PEX5L: variants seen among roughly 807,000 people sequenced by gnomAD.
PEX5L encodes peroxisomal biogenesis factor 5 like.
In PEX5L, 30 loss-of-function variants were observed where a neutral mutation model predicts 84.0. The ratio of observed to expected loss-of-function variants is 0.36; its 90% CI spans 0.27 to 0.48. The LOEUF (loss-of-function observed/expected upper bound fraction) is 0.48. Ranked by LOEUF, PEX5L falls within the 20% of genes least tolerant of loss-of-function variation. The probability of loss-of-function intolerance (pLI) is 0.99; values close to 1 mark genes in which losing one functional copy is unlikely to be tolerated. For missense variants in PEX5L, 533 were observed against 754.6 expected (o/e 0.71, Z 3.44); for synonymous variants, 270 against 283.1 (o/e 0.95, Z 0.46).
chr3:179,957,689 G>C (rs756711803), intron 2 of PEX5L, among the ~76,000 whole-genome samples: 8 of 152,194 alleles, frequency 5.3e-5, no homozygotes, highest in Non-Finnish European at 5.9e-5. Context: ...TTCTGGTTTT[G>C]TGCCAGGTGT....
chr3:180,020,920 T>G (rs890196276), intron 1 of PEX5L, among the ~76,000 whole-genome samples: 2 of 152,146 alleles, frequency 1.3e-5, no homozygotes, highest in African/African-American at 4.8e-5. Context: ...TAATCCAACA[T>G]GTATTGCTTG....
intron 8 of PEX5L, among the ~76,000 whole-genome samples, chr3:179,834,613 T>G (rs549451461): frequency 1.3e-5 from 2 of 152,262 alleles, no homozygotes; most frequent in South Asian, 4.1e-4. Flanking sequence ...GGACTAGGCC[T>G]AAATGTGCTC....
chr3:180,017,956 C>A (rs975744308), intron 1 of PEX5L, among the ~76,000 whole-genome samples: 1 of 152,144 alleles, frequency 6.6e-6, no homozygotes, highest in African/African-American at 2.4e-5. Flanking sequence ...CTGAAGAGAT[C>A]TATTTCTTAT....
At chr3:179,930,645 T>C (rs1023198769) in intron 2 of PEX5L, among the ~76,000 whole-genome samples, 1 of 151,892 alleles carries the variant, frequency 6.6e-6, no homozygotes, top group African/African-American at 2.4e-5. Context: ...TGCCTCATGC[T>C]TTCCTGGTTG....
chr3:179,795,015 A>G lies in PEX5L; in HGVS notation c.*6813T>C, dbSNP rs902853236. The G allele has an allele frequency of 3.9e-5, 6 of 152,224 alleles. No individual in the cohort carries two copies. The highest frequency in any genetic ancestry group is 8.8e-5 in the Non-Finnish European group (6 of 68,040). 9.4% of individuals were successfully genotyped at this position (152,224 alleles called of 1,614,324 possible). A position where few individuals can be genotyped will look rare whatever the true frequency, so the allele number is the denominator to read the frequency against. On this transcript the variant is annotated 3_prime_UTR_variant, in exon 15 of 15. Transcript: ENST00000467460. ...ACAAAATTCAATTTCAGGTTAAATA[A>G]TATTTTAGTCTTAAAAAATTAACAA...
At chr3:179,868,087 C>T (rs1293702401) in intron 7 of PEX5L, among the ~76,000 whole-genome samples, 1 of 139,942 alleles carries the variant, frequency 7.1e-6, no homozygotes, top group African/African-American at 2.7e-5. Context: ...CACTATGTTG[C>T]CCAGGCTGGT....
chr3:179,850,907 C>A (rs954897784), intron 8 of PEX5L, among the ~76,000 whole-genome samples: 1 of 152,160 alleles, frequency 6.6e-6, no homozygotes, highest in Non-Finnish European at 1.5e-5. Flanking sequence ...TAGGAGGACA[C>A]CCAAGTTAGC....
chr3:179,837,634 T>C (rs1306841689), intron 8 of PEX5L, among the ~76,000 whole-genome samples: 1 of 152,230 alleles, frequency 6.6e-6, no homozygotes, highest in Non-Finnish European at 1.5e-5. Flanking sequence ...GTCCCTTTTA[T>C]AGAGTTAGAC....
chr3:180,010,147 A>G (rs1244447818), intron 1 of PEX5L, among the ~76,000 whole-genome samples: 1 of 150,726 alleles, frequency 6.6e-6, no homozygotes, highest in Non-Finnish European at 1.5e-5. Flanking sequence ...GGGTTTCACC[A>G]TGTTAGCCAG....
chr3:179,852,195 G>T (rs528255240), intron 8 of PEX5L, among the ~76,000 whole-genome samples: 3 of 152,284 alleles, frequency 2.0e-5, no homozygotes, highest in Admixed American at 6.5e-5. Context: ...GCTGCTGGCT[G>T]GGCCTGCAGT....
At chr3:180,036,173 G>A (rs1561096736) in intron 1 of PEX5L, among the ~76,000 whole-genome samples, 1 of 152,156 alleles carries the variant, frequency 6.6e-6, no homozygotes, top group African/African-American at 2.4e-5. Context: ...TCTAAGTCAA[G>A]CAACCTTTTC....
intron 1 of PEX5L, among the ~76,000 whole-genome samples, chr3:179,979,018 T>C (rs574873024): frequency 2.1e-4 from 32 of 152,316 alleles, no homozygotes; most frequent in African/African-American, 7.5e-4. Flanking sequence ...GGCTATATAG[T>C]ATGTAATCAC....
At chr3:179,984,985 C>T (rs993791671) in intron 1 of PEX5L, among the ~76,000 whole-genome samples, 1 of 152,194 alleles carries the variant, frequency 6.6e-6, no homozygotes, top group Non-Finnish European at 1.5e-5. Flanking sequence ...AGTCTGCTAA[C>T]CTTGTGTTCC....
intron 8 of PEX5L, among the ~76,000 whole-genome samples, chr3:179,843,469 T>TAGA (rs1261225876): frequency 6.6e-6 from 1 of 152,176 alleles, no homozygotes; most frequent in East Asian, 1.9e-4. Flanking sequence ...GAAAGGGACT[T>TAGA]TTCTAAGACT....
rs1034291925 is a variant in PEX5L, at chr3:179,807,799, G to A, written c.1551C>T (p.Thr517=). The A allele has an allele frequency of 1.9e-6, 3 of 1,613,990 alleles. No individual in the cohort carries two copies. In the East Asian group the frequency reaches 6.7e-5, roughly 36 times the overall value. ...CCTCGCTGCGGTCTCCGTTCGCCAA[G>A]GTCGCCCCGAGGCGGTTCCATAGTG... ...DYSLWNRLGA[T]LANGDRSEEA... Residue 517 remains threonine (T), a synonymous_variant, in exon 14 of 15, where the codon ACC becomes ACT. Coordinates refer to ENST00000467460, the MANE Select transcript of PEX5L (RefSeq NM_016559.3).
intron 3 of PEX5L, among the ~76,000 whole-genome samples, chr3:179,893,934 A>G (rs1758385401): frequency 6.6e-6 from 1 of 151,796 alleles, no homozygotes; most frequent in African/African-American, 2.4e-5. Flanking sequence ...ATTATTTGTG[A>G]TATGGTTTTT....
intron 8 of PEX5L, among the ~76,000 whole-genome samples, chr3:179,849,342 A>G (rs796116869): frequency 6.6e-5 from 10 of 152,358 alleles, no homozygotes; most frequent in African/African-American, 2.4e-4. Context: ...TTTTAAATAT[A>G]TATGAAAATA....
At chr3:179,965,486 C>T (rs9867274) in intron 2 of PEX5L, among the ~76,000 whole-genome samples, 115,475 of 152,166 alleles carry the variant, frequency 0.76, 44,113 homozygotes, top group East Asian at 0.96. Flanking sequence ...GCTTAGTAAG[C>T]GGCAGGGCCA....
intron 11 of PEX5L, among the ~76,000 whole-genome samples, chr3:179,810,002 CTTTTTTTTTTTT>C (rs35662193): frequency 1.8e-4 from 8 of 45,262 alleles, no homozygotes; most frequent in Admixed American, 7.6e-4. Context: ...TTTAATGCTG[CTTTTTTTTTTTT>C]TTTTTTTTTT....
Sources: allele counts gnomAD v4.1 joint callset (sites outside exome capture counted in the v4.1 genomes callset), GRCh38; gene constraint gnomAD v4.1.1; transcripts MANE v1.5; gene names NCBI Gene and HGNC (gene_info 2026-07-23, HGNC 2026-07-21).